The following TBL1X variants were observed in gnomAD, a reference collection of about 807,000 sequenced individuals.
TBL1X encodes the protein transducin beta like 1 X-linked, also known as F-box-like/WD repeat-containing protein TBL1X.
In TBL1X, 10 loss-of-function variants were observed where a neutral mutation model predicts 50.7. The observed-to-expected ratio is 0.20, with a 90% confidence interval of 0.12 to 0.33. The LOEUF is 0.33. TBL1X is among the 10% of genes least tolerant of loss of function. TBL1X has a pLI of 1.00. For missense variants in TBL1X, 340 were observed against 504.4 expected, an observed-to-expected ratio of 0.67 and a Z score of 3.12; for synonymous variants, 190 against 214.7, an observed-to-expected ratio of 0.88 and a Z score of 1.01.
At chrX:9,547,193 A>C (rs2082248722) in intron 2 of TBL1X, among the ~76,000 whole-genome samples, 2 of 111,064 alleles carry the variant, frequency 1.8e-5, no homozygotes, top group Admixed American at 9.5e-5. Flanking sequence ...TGTTGCCCTA[A>C]ATTTGCCCAG....
chrX:9,682,029 G>A (rs1419423633), intron 5 of TBL1X, among the ~76,000 whole-genome samples: 2 of 112,820 alleles, frequency 1.8e-5, no homozygotes, highest in Admixed American at 1.9e-4. Flanking sequence ...GTAGTGGATC[G>A]TCAAGCCAAG....
chrX:9,494,565 C>A (rs1254563650), intron 1 of TBL1X, among the ~76,000 whole-genome samples: 1 of 111,234 alleles, frequency 9.0e-6, no homozygotes, highest in Non-Finnish European at 1.9e-5. Context: ...TAGACTTCTT[C>A]AACTTCAAAA....
At chrX:9,694,085 C>T (rs1402592452) in intron 11 of TBL1X, among the ~76,000 whole-genome samples, 1 of 111,264 alleles carries the variant, frequency 9.0e-6, no homozygotes, top group East Asian at 2.8e-4. Flanking sequence ...CAACCTCGGC[C>T]TCTGTGCATT....
chrX:9,565,210 T>C (rs984765537), intron 2 of TBL1X, among the ~76,000 whole-genome samples: 2 of 91,624 alleles, frequency 2.2e-5, no homozygotes, highest in African/African-American at 4.2e-5. Flanking sequence ...AGGTGGAGCT[T>C]GCAGTGAGCC....
chrX:9,675,915 A>G (rs2082991428), intron 5 of TBL1X, among the ~76,000 whole-genome samples: 1 of 110,300 alleles, frequency 9.1e-6, no homozygotes, highest in Non-Finnish European at 1.9e-5. Context: ...AAAAGAAGAA[A>G]GTAATTAAGA....
At chrX:9,683,663 A>G (rs942818381) in intron 5 of TBL1X, among the ~76,000 whole-genome samples, 1 of 111,677 alleles carries the variant, frequency 9.0e-6, no homozygotes, top group African/African-American at 3.3e-5. Flanking sequence ...GCTTCTGCAC[A>G]GTCTTACGAA....
intron 12 of TBL1X, among the ~76,000 whole-genome samples, chrX:9,698,118 G>T (rs887719501): frequency 9.0e-6 from 1 of 111,239 alleles, no homozygotes; most frequent in African/African-American, 3.3e-5. Flanking sequence ...CGAGTATGGA[G>T]CCCAGGAGGC....
chrX:9,498,017 T>C (rs1204328076), intron 1 of TBL1X, among the ~76,000 whole-genome samples: 3 of 108,550 alleles, frequency 2.8e-5, no homozygotes, highest in African/African-American at 1.0e-4. Flanking sequence ...CAAGCATGCA[T>C]GAGCCACTAT....
intron 2 of TBL1X, among the ~76,000 whole-genome samples, chrX:9,503,902 C>G (rs1350518518): frequency 8.9e-6 from 1 of 112,175 alleles, no homozygotes; most frequent in Non-Finnish European, 1.9e-5. Context: ...GAGTGGGTTT[C>G]CCCCAAGCAA....
chrX:9,507,319 C>A (rs893699965), intron 2 of TBL1X, among the ~76,000 whole-genome samples: 1 of 111,686 alleles, frequency 9.0e-6, no homozygotes, highest in Admixed American at 9.5e-5. Flanking sequence ...AGAGACAAAT[C>A]ATGAGTGAAC....
chrX:9,532,045 C>T (rs779904635), intron 2 of TBL1X, among the ~76,000 whole-genome samples: 3 of 111,513 alleles, frequency 2.7e-5, no homozygotes, highest in African/African-American at 9.8e-5. Context: ...CGCAAGAGCA[C>T]GTCTTTTAAA....
Position 9,718,009 on chromosome X carries a change from C to G in TBL1X, c.*1763C>G, listed in dbSNP as rs1022795450. Reference sequence around the variant, plus strand: ...GACCTCCATCTGCTTGCTGTCATAACCCGACACGGACTTATTTTTGTCATT... The same window carrying G: ...GACCTCCATCTGCTTGCTGTCATAAGCCGACACGGACTTATTTTTGTCATT... On this transcript the variant is annotated 3_prime_UTR_variant, in exon 18 of 18. Coordinates refer to ENST00000645353, the MANE Select transcript of TBL1X (RefSeq NM_005647.4). 2.7e-5 allele frequency: 3 copies of G among 110,578 alleles called. No homozygotes were observed. Among genetic ancestry groups the G allele is most frequent in the African/African-American group, 6.6e-5 (2 of 30,329 alleles). 9.1% of individuals were successfully genotyped at this position (110,578 alleles called of 1,213,427 possible).
intron 1 of TBL1X, among the ~76,000 whole-genome samples, chrX:9,490,681 G>C (rs1261109250): frequency 8.9e-6 from 1 of 112,155 alleles, no homozygotes. Context: ...TTGATATCTC[G>C]CAGATAGTTG....
chrX:9,498,802 G>A (rs2081985859), intron 1 of TBL1X, among the ~76,000 whole-genome samples: 1 of 112,313 alleles, frequency 8.9e-6, no homozygotes, highest in African/African-American at 3.2e-5. Context: ...CGTGCTGTCC[G>A]CGAGCTTGGT....
At chrX:9,475,301 C>G (rs150618113) in intron 1 of TBL1X, among the ~76,000 whole-genome samples, 161 of 110,931 alleles carry the variant, frequency 1.5e-3, no homozygotes, top group African/African-American at 4.9e-3. Context: ...GTCGCCCAGG[C>G]TGGAGTGCTC....
intron 2 of TBL1X, among the ~76,000 whole-genome samples, chrX:9,514,159 C>G (rs2082070185): frequency 9.0e-6 from 1 of 111,508 alleles, no homozygotes; most frequent in African/African-American, 3.3e-5. Context: ...CAGAGCAGCC[C>G]CCATAACAGG....
At chrX:9,570,067 C>T (rs1253063122) in intron 2 of TBL1X, among the ~76,000 whole-genome samples, 2 of 111,854 alleles carry the variant, frequency 1.8e-5, no homozygotes, top group East Asian at 2.8e-4. Context: ...AACCACAGCT[C>T]GTTGATTTAA....
chrX:9,627,011 C>CA (rs982493322), intron 2 of TBL1X, among the ~76,000 whole-genome samples: 5 of 112,263 alleles, frequency 4.5e-5, no homozygotes, highest in Non-Finnish European at 7.5e-5. Context: ...ATTCTGTAGT[C>CA]ATTTATATTA....
chrX:9,494,904 A>G (rs765057281), intron 1 of TBL1X, among the ~76,000 whole-genome samples: 8 of 112,256 alleles, frequency 7.1e-5, no homozygotes, highest in African/African-American at 2.6e-4. Context: ...AGGAGTTGAC[A>G]TGCTGTTTCA....
Sources: allele counts gnomAD v4.1 joint callset (sites outside exome capture counted in the v4.1 genomes callset), GRCh38; gene constraint gnomAD v4.1.1; transcripts MANE v1.5; gene names NCBI Gene and HGNC (gene_info 2026-07-23, HGNC 2026-07-21).